Variants in CLDN16 observed in about 807,000 individuals in gnomAD.
CLDN16 encodes the protein claudin-16.
In CLDN16, 13 loss-of-function variants were observed where a neutral mutation model predicts 24.6. The ratio of observed to expected loss-of-function variants is 0.53; its 90% CI spans 0.34 to 0.84. The LOEUF (loss-of-function observed/expected upper bound fraction) is 0.84, where lower values mean the gene tolerates loss of function less well. Ranked by LOEUF, CLDN16 falls within the 40% of genes least tolerant of loss-of-function variation. The pLI is 0.01. For missense variants in CLDN16, 298 were observed against 292.7 expected (o/e 1.02, Z -0.13); for synonymous variants, 116 against 106.7 (o/e 1.09, Z -0.54).
chr3:190,397,064 A>T (rs1718838884), intron 1 of CLDN16, among the ~76,000 whole-genome samples: 1 of 152,166 alleles, frequency 6.6e-6, no homozygotes, highest in African/African-American at 2.4e-5. Context: ...TGGTGAGTTC[A>T]GGTACCCAGA....
intron 1 of CLDN16, among the ~76,000 whole-genome samples, chr3:190,399,884 C>G (rs1375358510): frequency 6.6e-6 from 1 of 152,082 alleles, no homozygotes; most frequent in Non-Finnish European, 1.5e-5. Flanking sequence ...CACCTTCTGT[C>G]GGATCAGCGG....
chr3:190,410,792 T>C lies in CLDN16; in HGVS notation c.*756T>C, dbSNP rs1043586027. On this transcript the variant is annotated 3_prime_UTR_variant, in exon 5 of 5. Transcript: ENST00000264734. Reference sequence around the variant, plus strand: ...TACAGAATAGTTCAACCAGAGAATTTACTCATTTATTGATTAAACATCCAA... The same window carrying C: ...TACAGAATAGTTCAACCAGAGAATTCACTCATTTATTGATTAAACATCCAA... 1.3e-5 allele frequency: 2 copies of C among 152,226 alleles called. No individual in the cohort carries two copies. The highest frequency in any genetic ancestry group is 4.8e-5 in the African/African-American group (2 of 41,466). 9.4% of individuals were successfully genotyped at this position (152,226 alleles called of 1,614,324 possible).
At chr3:190,387,819 G>A (rs911490602), upstream of CLDN16, 1 of 404,406 alleles carries the variant, frequency 2.5e-6, no homozygotes, top group Non-Finnish European at 4.7e-6. Flanking sequence ...AAAGTAGTCG[G>A]CGAATATTAA....
intron 1 of CLDN16, among the ~76,000 whole-genome samples, chr3:190,348,279 TC>T (rs1717597307): frequency 7.8e-5 from 2 of 25,602 alleles, no homozygotes; most frequent in Non-Finnish European, 1.0e-4. Context: ...AAAGAATAAA[TC>T]AAAAAAAAAA....
intron 3 of CLDN16, among the ~76,000 whole-genome samples, chr3:190,407,829 G>A (rs561149305): frequency 3.9e-5 from 6 of 152,272 alleles, no homozygotes; most frequent in South Asian, 4.1e-4. Flanking sequence ...TGCTGATTAC[G>A]TAGCTGGCAT....
chr3:190,320,058 T>C (rs1451629773), upstream of CLDN16, among the ~76,000 whole-genome samples: 1 of 149,998 alleles, frequency 6.7e-6, no homozygotes, highest in South Asian at 2.1e-4. Flanking sequence ...TAGGAAGACA[T>C]CTCTAAAGTG....
rs140801126 is a variant in CLDN16, at chr3:190,411,245, C to G, written c.*1209C>G. On this transcript the variant is annotated 3_prime_UTR_variant, in exon 5 of 5. Transcript: ENST00000264734. The stretch of plus-strand genomic sequence containing the variant: ...ATTGCACTCCAGTCTGGCAACAGAG[C>G]GAGACTCCATCTCAAAAAACAAAAA... 6.6e-6 allele frequency: 1 copy of G among 151,912 alleles called. No homozygotes were observed. The highest frequency in any genetic ancestry group is 2.1e-4 in the South Asian group (1 of 4,808). The allele number at this position is 151,912 out of a possible 1,614,324, so 9.4% of individuals were successfully genotyped here.
At chr3:190,365,473 C>T (rs1017229597) in intron 1 of CLDN16, among the ~76,000 whole-genome samples, 5 of 150,274 alleles carry the variant, frequency 3.3e-5, no homozygotes, top group South Asian at 2.1e-4. Context: ...CACTTCTTTA[C>T]GCCTTTTGAT....
chr3:190,362,095 C>T (rs1320455568), intron 1 of CLDN16, among the ~76,000 whole-genome samples: 1 of 150,944 alleles, frequency 6.6e-6, no homozygotes, highest in Non-Finnish European at 1.5e-5. Context: ...TATAAAACCC[C>T]TTGCATTTGA....
chr3:190,348,822 C>T (rs1024362149), intron 1 of CLDN16, among the ~76,000 whole-genome samples: 6 of 152,146 alleles, frequency 3.9e-5, no homozygotes, highest in African/African-American at 2.4e-5. Context: ...TTACCTCCCT[C>T]CACCCTCCAA....
At position 190,364,503 on chromosome 3, in the gene CLDN16, C is replaced by G. The variant is rs527842978; in HGVS notation, n.122-6390C>G. ...GTTGTCCCACGGGTAGATCCTCCATCTCTACCAGATCCCAGCTGCATAACA... is the reference window on the plus strand; with the variant it reads ...GTTGTCCCACGGGTAGATCCTCCATGTCTACCAGATCCCAGCTGCATAACA... On this transcript the variant is annotated intron_variant and non_coding_transcript_variant, in intron 1 of 4. Coordinates refer to the CLDN16 transcript ENST00000468220. 6.6e-5 allele frequency among the ~76,000 whole-genome samples: 10 copies of G among 152,054 alleles called. No individual in the cohort carries two copies. In the South Asian group the frequency reaches 1.5e-3, roughly 22 times the overall value.
chr3:190,368,631 C>A (rs1421987248), intron 1 of CLDN16, among the ~76,000 whole-genome samples: 1 of 151,942 alleles, frequency 6.6e-6, no homozygotes. Context: ...TTCAGAATGA[C>A]TTTCAGGGTT....
At chr3:190,358,906 C>A (rs140152097) in intron 1 of CLDN16, among the ~76,000 whole-genome samples, 46 of 152,058 alleles carry the variant, frequency 3.0e-4, no homozygotes, top group African/African-American at 9.9e-4. Flanking sequence ...AAATAAGAGG[C>A]CTTATGGCCT....
chr3:190,324,885 T>C (rs1227904530), intron 1 of CLDN16, among the ~76,000 whole-genome samples: 1 of 152,188 alleles, frequency 6.6e-6, no homozygotes, highest in Non-Finnish European at 1.5e-5. Context: ...CTTTCATATC[T>C]GAAACATAAA....
chr3:190,385,850 T>C (rs961110570), upstream of CLDN16, among the ~76,000 whole-genome samples: 1 of 152,190 alleles, frequency 6.6e-6, no homozygotes, highest in Non-Finnish European at 1.5e-5. Context: ...TCTCAAAGTA[T>C]GGCCATCTGT....
intron 1 of CLDN16, among the ~76,000 whole-genome samples, chr3:190,390,536 A>AAAG (rs56312204): frequency 0.19 from 28,874 of 151,636 alleles, 3,113 homozygotes; most frequent in East Asian, 0.45. Context: ...CCATCTTAAA[A>AAAG]AAGAAGAAGA....
chr3:190,358,763 T>C (rs777794163), intron 1 of CLDN16, among the ~76,000 whole-genome samples: 43 of 152,036 alleles, frequency 2.8e-4, no homozygotes, highest in Non-Finnish European at 5.0e-4. Flanking sequence ...TCTGCCTAAA[T>C]TGAAATTCAA....
intron 2 of CLDN16, among the ~76,000 whole-genome samples, chr3:190,404,060 C>T (rs1719027458): frequency 6.6e-6 from 1 of 152,010 alleles, no homozygotes. Flanking sequence ...ACCTATGTAA[C>T]CTATTAACAT....
chr3:190,306,746 G>A, the CLDN16 span: 3 of 152,712 alleles, frequency 2.0e-5, no homozygotes, highest in Admixed American at 6.5e-5. Context: ...AAGAGCAGTT[G>A]TTAAAATGGA....
Sources: allele counts gnomAD v4.1 joint callset (sites outside exome capture counted in the v4.1 genomes callset), GRCh38; gene constraint gnomAD v4.1.1; transcripts MANE v1.5; gene names NCBI Gene and HGNC (gene_info 2026-07-23, HGNC 2026-07-21).